CSMD1: variants seen among roughly 807,000 people sequenced by gnomAD.
The protein encoded by CSMD1 is CUB and Sushi multiple domains 1.
In CSMD1, 213 loss-of-function variants were observed where a neutral mutation model predicts 417.5. That is an observed-to-expected ratio of 0.51 (90% CI 0.46 to 0.57). The LOEUF is 0.57. CSMD1 is among the 20% of genes least tolerant of loss of function. CSMD1 has a pLI of 0.00. For synonymous variants in CSMD1, 2,862 were observed against 1,736.8 expected, an observed-to-expected ratio of 1.65 and a Z score of -16.11; for missense variants, 6,923 against 4,529.7, an observed-to-expected ratio of 1.53 and a Z score of -15.17.
chr8:3,087,516 G>A (rs1814628808), intron 48 of CSMD1, among the ~76,000 whole-genome samples: 1 of 152,214 alleles, frequency 6.6e-6, no homozygotes, highest in Non-Finnish European at 1.5e-5. Context: ...GTGAAGCTAG[G>A]ATCCTGAATA....
intron 3 of CSMD1, among the ~76,000 whole-genome samples, chr8:4,373,022 T>C (rs1035900787): frequency 1.3e-5 from 2 of 152,210 alleles, no homozygotes; most frequent in African/African-American, 4.8e-5. Flanking sequence ...TCAGCAGTGA[T>C]GATTCGGGCT....
intron 10 of CSMD1, among the ~76,000 whole-genome samples, chr8:3,542,921 G>A (rs1203333634): frequency 1.3e-5 from 2 of 151,866 alleles, no homozygotes; most frequent in African/African-American, 2.4e-5. Context: ...GTCCTCCCCA[G>A]GCAGCTCTCC....
At chr8:3,994,578 G>A (rs1416857411) in intron 5 of CSMD1, among the ~76,000 whole-genome samples, 1 of 151,930 alleles carries the variant, frequency 6.6e-6, no homozygotes, top group Non-Finnish European at 1.5e-5. Flanking sequence ...TTAAAGCAAG[G>A]GATTGATAGG....
At chr8:2,966,929 T>G (rs1352823000) in intron 57 of CSMD1, among the ~76,000 whole-genome samples, 183 bp from the exon 58 acceptor site, 8 of 152,204 alleles carry the variant, frequency 5.3e-5, no homozygotes, top group Admixed American at 5.2e-4. Flanking sequence ...TTTTACTGAT[T>G]AGCTACAAAT....
intron 25 of CSMD1, among the ~76,000 whole-genome samples, chr8:3,301,618 A>C (rs1215991946): frequency 2.6e-5 from 4 of 152,222 alleles, no homozygotes; most frequent in Admixed American, 1.3e-4. Flanking sequence ...GCACCACAGT[A>C]GCACAGGCTA....
At chr8:3,939,418 TA>T (rs1810725543) in intron 5 of CSMD1, among the ~76,000 whole-genome samples, 1 of 152,108 alleles carries the variant, frequency 6.6e-6, no homozygotes, top group Admixed American at 6.6e-5. Flanking sequence ...GGTGTGTGTA[TA>T]AACTACTACA....
intron 2 of CSMD1, among the ~76,000 whole-genome samples, chr8:4,434,766 C>T (rs1798059189): frequency 6.6e-6 from 1 of 152,136 alleles, no homozygotes; most frequent in Non-Finnish European, 1.5e-5. Flanking sequence ...CTGTCAAATA[C>T]ACACCCTTTC....
intron 36 of CSMD1, chr8:3,183,063 G>C (rs1442056347): frequency 9.9e-5 from 15 of 151,942 alleles, no homozygotes; most frequent in African/African-American, 3.6e-4. Context: ...CGGCCTAGAA[G>C]AGGCTTTTTA....
At chr8:3,122,176 G>A (rs1379289244) in intron 41 of CSMD1, among the ~76,000 whole-genome samples, 2 of 152,040 alleles carry the variant, frequency 1.3e-5, no homozygotes, top group African/African-American at 4.8e-5. Flanking sequence ...TTTATATACA[G>A]AAAATCCAAG....
intron 4 of CSMD1, among the ~76,000 whole-genome samples, chr8:4,011,553 CA>C (rs1436398566): frequency 4.6e-5 from 7 of 152,174 alleles, no homozygotes; most frequent in Non-Finnish European, 1.0e-4. Context: ...ATGTCAGCCA[CA>C]GCCAGAAATC....
intron 3 of CSMD1, among the ~76,000 whole-genome samples, 169 bp downstream of exon 3, chr8:4,419,784 G>A (rs190176847): frequency 6.6e-6 from 1 of 152,134 alleles, no homozygotes; most frequent in Non-Finnish European, 1.5e-5. Flanking sequence ...GGAAAGTTTG[G>A]CGATTATAAC....
chr8:3,357,778 T>A (rs140663372), intron 21 of CSMD1, among the ~76,000 whole-genome samples: 2,262 of 152,272 alleles, frequency 0.015, 62 homozygotes, highest in African/African-American at 0.052. Flanking sequence ...ATTTTTTTTC[T>A]TGAGATAACA....
At position 3,387,495 on chromosome 8, in the gene CSMD1, G is replaced by T; in HGVS notation, c.2781C>A (p.Asp927Glu). 2.5e-6 allele frequency: 4 copies of T among 1,596,364 alleles called. No homozygotes were observed. In the South Asian group the frequency reaches 3.4e-5, roughly 14 times the overall value. Residue 927 changes from aspartate (D) to glutamate (E), a missense_variant and splice_region_variant, in exon 18 of 70, where the codon GAC (aspartate) becomes GAA (glutamate). By Grantham distance (45) the Asp-to-Glu change is conservative. Coordinates refer to ENST00000635120, the MANE Select transcript of CSMD1 (RefSeq NM_033225.6). ...ATTGCCTCACTGAGCTGTACCTACC[G>T]TCGCAGCTGGGCAAGGCGTGGTTCC... ...HQWNHALPSC[D>E]ALCGGYIQGK...
At chr8:3,536,890 T>C (rs904150106) in intron 10 of CSMD1, among the ~76,000 whole-genome samples, 1 of 152,212 alleles carries the variant, frequency 6.6e-6, no homozygotes, top group East Asian at 1.9e-4. Context: ...GAAAATTAAA[T>C]CTAGTTTAGA....
rs1049335751 is a variant in CSMD1 at position 4,637,200 on chromosome 8, C to T, written c.302+142G>A. On this transcript the variant is annotated intron_variant, in intron 2 of 69. Coordinates refer to ENST00000635120, the MANE Select transcript of CSMD1 (RefSeq NM_033225.6). ...AACTCACCCCAAAGGTCTGTGGCTT[C>T]ATTCTTGAAGTCAGCGAGGCCACGA... 7 of 628,814 alleles carry T rather than the reference C, an allele frequency of 1.1e-5. No individual in the cohort carries two copies. In the Admixed American group the frequency reaches 1.2e-4, roughly 10 times the overall value. 39.0% of individuals were successfully genotyped at this position (628,814 alleles called of 1,614,324 possible).
intron 62 of CSMD1, among the ~76,000 whole-genome samples, chr8:2,960,614 T>C (rs1803370251): frequency 6.6e-6 from 1 of 152,164 alleles, no homozygotes; most frequent in Non-Finnish European, 1.5e-5. Context: ...CAAAATGATA[T>C]TTAGTACGCT....
intron 2 of CSMD1, among the ~76,000 whole-genome samples, chr8:4,440,461 C>T (rs540873987): frequency 4.6e-5 from 7 of 152,092 alleles, no homozygotes; most frequent in African/African-American, 1.7e-4. Flanking sequence ...CATCTTGTTA[C>T]TCACAAAAAA....
At chr8:4,004,108 C>T (rs2740972) in intron 4 of CSMD1, among the ~76,000 whole-genome samples, 58,738 of 151,920 alleles carry the variant, frequency 0.39, 11,444 homozygotes, top group East Asian at 0.48. Context: ...CTACGTTAAG[C>T]TGTATACATA....
intron 23 of CSMD1, among the ~76,000 whole-genome samples, chr8:3,328,157 T>C (rs1806656432): frequency 6.6e-6 from 1 of 152,232 alleles, no homozygotes; most frequent in Admixed American, 6.5e-5. Context: ...TTACTTTCCC[T>C]AAACCTGGTT....
Sources: allele counts gnomAD v4.1 joint callset (sites outside exome capture counted in the v4.1 genomes callset), GRCh38; gene constraint gnomAD v4.1.1; transcripts MANE v1.5; gene names NCBI Gene and HGNC (gene_info 2026-07-23, HGNC 2026-07-21).